Variants in TRAPPC9 observed in about 807,000 individuals in gnomAD.
The protein encoded by TRAPPC9 is IKK2 binding protein.
A neutral mutation model predicts 124.0 loss-of-function variants in TRAPPC9; 83 were observed. That is an observed-to-expected ratio of 0.67 (90% CI 0.56 to 0.80). The LOEUF is 0.80. TRAPPC9 is among the 30% of genes least tolerant of loss of function. The pLI, the probability that TRAPPC9 is intolerant of heterozygous loss-of-function variation, is 0.00. For missense variants in TRAPPC9, 1,302 were observed against 1,508.3 expected (o/e 0.86, Z 2.27); for synonymous variants, 638 against 617.5 (o/e 1.03, Z -0.49).
intron 21 of TRAPPC9, among the ~76,000 whole-genome samples, chr8:139,733,234 C>T (rs1245882469): frequency 6.6e-6 from 1 of 152,112 alleles, no homozygotes; most frequent in African/African-American, 2.4e-5. Flanking sequence ...GAGACAGAGG[C>T]TGAGACTAGA....
chr8:140,021,334 T>C (rs1839825825), intron 18 of TRAPPC9, among the ~76,000 whole-genome samples: 1 of 152,256 alleles, frequency 6.6e-6, no homozygotes, highest in African/African-American at 2.4e-5. Flanking sequence ...TCAAAAAATA[T>C]TATAACAATT....
chr8:140,379,687 A>T (rs2068547747), intron 7 of TRAPPC9, among the ~76,000 whole-genome samples: 1 of 152,224 alleles, frequency 6.6e-6, no homozygotes, highest in South Asian at 2.1e-4. Flanking sequence ...AACTAGACTG[A>T]AGCCTTGAAG....
chr8:139,774,753 T>A (rs548022754), intron 21 of TRAPPC9, among the ~76,000 whole-genome samples: 1 of 152,276 alleles, frequency 6.6e-6, no homozygotes, highest in Non-Finnish European at 1.5e-5. Context: ...CATTTCCTGA[T>A]GAGGATAGGA....
chr8:139,815,686 G>A (rs150664603), intron 21 of TRAPPC9, among the ~76,000 whole-genome samples: 5 of 152,226 alleles, frequency 3.3e-5, no homozygotes, highest in Admixed American at 2.0e-4. Flanking sequence ...CACAGCGCCC[G>A]GCAAGCACTC....
intron 21 of TRAPPC9, among the ~76,000 whole-genome samples, chr8:139,846,427 G>A (rs534596449): frequency 1.3e-5 from 2 of 152,348 alleles, no homozygotes; most frequent in South Asian, 2.1e-4. Flanking sequence ...CCTGTGAAAC[G>A]CAGACTCATC....
At chr8:140,367,456 G>C (rs1202606182) in intron 8 of TRAPPC9, among the ~76,000 whole-genome samples, 1 of 152,180 alleles carries the variant, frequency 6.6e-6, no homozygotes, top group Non-Finnish European at 1.5e-5. Flanking sequence ...ATATTACTAA[G>C]AGAAAGAAGC....
chr8:140,074,234 C>T (rs1843363813), intron 17 of TRAPPC9, among the ~76,000 whole-genome samples: 1 of 152,110 alleles, frequency 6.6e-6, no homozygotes, highest in South Asian at 2.1e-4. Flanking sequence ...GACTCCTCCT[C>T]CTCCTACACC....
intron 18 of TRAPPC9, among the ~76,000 whole-genome samples, chr8:139,993,053 T>C (rs976725286): frequency 8.5e-5 from 13 of 152,264 alleles, no homozygotes; most frequent in Admixed American, 7.2e-4. Context: ...ATAAAATGTT[T>C]GGCTGCATTA....
At chr8:140,453,514 C>CCATTCTGCATATGCAGAGCCCACAA (rs55883233) in intron 1 of TRAPPC9, among the ~76,000 whole-genome samples, 71,311 of 151,722 alleles carry the variant, frequency 0.47, 17,038 homozygotes, top group South Asian at 0.51. Flanking sequence ...GGGGGCTATC[C>CCATTCTGCATATGCAGAGCCCACAA]TGGACATCAC....
At chr8:140,149,088 C>T (rs1027318144) in intron 17 of TRAPPC9, among the ~76,000 whole-genome samples, 1 of 152,170 alleles carries the variant, frequency 6.6e-6, no homozygotes, top group Non-Finnish European at 1.5e-5. Context: ...TGTCCTGTGG[C>T]GCTAATACAT....
intron 15 of TRAPPC9, among the ~76,000 whole-genome samples, chr8:140,254,843 T>C (rs894378639): frequency 1.3e-5 from 2 of 152,216 alleles, no homozygotes; most frequent in African/African-American, 4.8e-5. Flanking sequence ...CAAAGTCACA[T>C]TCACTTCCTG....
chr8:140,409,770 GTGTT>G (rs2036885935), intron 5 of TRAPPC9, among the ~76,000 whole-genome samples: 1 of 152,170 alleles, frequency 6.6e-6, no homozygotes, highest in Non-Finnish European at 1.5e-5. Flanking sequence ...GAACATTAAT[GTGTT>G]TATTTAAAAA....
intron 21 of TRAPPC9, among the ~76,000 whole-genome samples, chr8:139,824,358 C>A (rs1363629002): frequency 2.0e-5 from 3 of 152,142 alleles, no homozygotes; most frequent in Non-Finnish European, 4.4e-5. Context: ...CATCCAGCAC[C>A]ACAGCACTGT....
At chr8:140,288,810 C>G (rs1034711872) in intron 12 of TRAPPC9, among the ~76,000 whole-genome samples, 1 of 152,164 alleles carries the variant, frequency 6.6e-6, no homozygotes, top group Non-Finnish European at 1.5e-5. Flanking sequence ...TAACAAATGA[C>G]AGGCAAGGTT....
intron 14 of TRAPPC9, among the ~76,000 whole-genome samples, chr8:140,278,984 T>C (rs74625714): frequency 6.6e-6 from 1 of 152,396 alleles, no homozygotes; most frequent in Non-Finnish European, 1.5e-5. Context: ...CACTGTGTTT[T>C]CATCACAGCG....
At chr8:139,764,179 G>A (rs1820423999) in intron 21 of TRAPPC9, among the ~76,000 whole-genome samples, 1 of 152,174 alleles carries the variant, frequency 6.6e-6, no homozygotes, top group Admixed American at 6.5e-5. Flanking sequence ...GGATGGAGTG[G>A]TGGGAGCTGC....
Position 139,797,500 on chromosome 8 carries a change from T to C in TRAPPC9, c.3056-65298A>G, listed in dbSNP as rs376541499. Reference sequence around the variant, plus strand: ...ATCTCAAACTCCTGACCTCAGGTGATTGGCCTACCTAAACCTCCCACAGTG... The same window carrying C: ...ATCTCAAACTCCTGACCTCAGGTGACTGGCCTACCTAAACCTCCCACAGTG... On this transcript the variant is annotated intron_variant, in intron 21 of 22. Coordinates refer to ENST00000438773, the MANE Select transcript of TRAPPC9 (RefSeq NM_001160372.4). 3.3e-5 allele frequency among the ~76,000 whole-genome samples: 5 copies of C among 152,184 alleles called. No homozygotes were observed. In the East Asian group the frequency reaches 9.6e-4, roughly 29 times the overall value.
At chr8:139,888,433 A>C (rs950255913) in intron 20 of TRAPPC9, among the ~76,000 whole-genome samples, 1 of 152,134 alleles carries the variant, frequency 6.6e-6, no homozygotes, top group Non-Finnish European at 1.5e-5. Context: ...GAGTGCACGG[A>C]ATCATACCCC....
chr8:140,435,686 G>C (rs958137898), intron 3 of TRAPPC9, among the ~76,000 whole-genome samples: 1 of 152,206 alleles, frequency 6.6e-6, no homozygotes, highest in African/African-American at 2.4e-5. Flanking sequence ...ACCAAAGCAA[G>C]ACCAGAATGC....
Sources: allele counts gnomAD v4.1 joint callset (sites outside exome capture counted in the v4.1 genomes callset), GRCh38; gene constraint gnomAD v4.1.1; transcripts MANE v1.5; gene names NCBI Gene and HGNC (gene_info 2026-07-23, HGNC 2026-07-21).